Variants in OR4K17 observed in about 807,000 individuals in gnomAD.
OR4K17 encodes the protein olfactory receptor family 4 subfamily K member 17, also known as olfactory receptor 4K17.
For missense variants in OR4K17, 480 were observed against 366.3 expected (o/e 1.31, Z -2.53); for synonymous variants, 157 against 132.8 (o/e 1.18, Z -1.25).
rs768218908 is a variant in OR4K17, at chr14:20,118,389, C to A, written c.890C>A (p.Ser297Tyr). Residue 297 changes from serine (S) to tyrosine (Y), a missense_variant, in exon 2 of 2, where the codon TCC becomes TAC. Ser to Tyr is a moderately radical substitution (Grantham distance 144, BLOSUM62 -2). Coordinates refer to ENST00000641386, the MANE Select transcript of OR4K17 (RefSeq NM_001004715.5). ...CTGAGAAACAAAGAAATGAAGATAT[C>A]CATGAAAAAACTCTGGAGAGCTTTT... ...YTLRNKEMKI[S>Y]MKKLWRAFVN... 2 of 1,605,616 alleles carry A rather than the reference C, an allele frequency of 1.2e-6. No homozygotes were observed. Among genetic ancestry groups the A allele is most frequent in the South Asian group, 2.2e-5 (2 of 89,572 alleles).
chr14:20,111,864 C>G (rs1877890029), intron 1 of OR4K17: 1 of 152,074 alleles, frequency 6.6e-6, no homozygotes, highest in Non-Finnish European at 1.5e-5. Flanking sequence ...ATAATCACCT[C>G]CAATTCTATG....
Position 20,118,323 on chromosome 14 carries a change from A to G in OR4K17, c.824A>G (p.Tyr275Cys), listed in dbSNP as rs375871400. 8.7e-5 allele frequency: 141 copies of G among 1,612,952 alleles called. No individual in the cohort carries two copies. The highest frequency in any genetic ancestry group is 1.1e-4 in the Non-Finnish European group (131 of 1,179,076). ...HSVDKFLAVF[Y>C]TIITPILNPI... ...GTAGATAAGTTCCTTGCTGTGTTTT[A>G]TACCATCATCACTCCTATCTTGAAT... Residue 275 changes from tyrosine (Y) to cysteine (C), a missense_variant, in exon 2 of 2, where the codon TAT becomes TGT. Physicochemically the swap from Tyr to Cys is radical, Grantham distance 194 (BLOSUM62 -2). Transcript: ENST00000641386.
In OR4K17 at chr14:20,118,410, C is replaced by T. The variant is rs560711784; in HGVS notation, c.911C>T (p.Ala304Val). 1.9e-6 allele frequency: 3 copies of T among 1,601,616 alleles called. No individual in the cohort carries two copies. The highest frequency in any genetic ancestry group is 1.7e-5 in the Admixed American group (1 of 58,502). ...ATATCCATGAAAAAACTCTGGAGAG[C>T]TTTTGTGAATTCTAGAGAAGATACT... is the stretch of plus-strand genomic sequence containing the variant. Reference protein sequence around the residue: ...MKISMKKLWRAFVNSREDT With the variant: ...MKISMKKLWRVFVNSREDT Residue 304 changes from alanine (A) to valine (V), a missense_variant, in exon 2 of 2, where the codon GCT becomes GTT. Ala to Val is a moderately conservative substitution (Grantham distance 64). Coordinates refer to ENST00000641386, the MANE Select transcript of OR4K17 (RefSeq NM_001004715.5).
Position 20,121,512 on chromosome 14 carries a change from C to T in OR4K17, c.*3074C>T, listed in dbSNP as rs1878169156. The T allele has an allele frequency of 6.6e-6, 1 of 151,972 alleles. No homozygotes were observed. Among genetic ancestry groups the T allele is most frequent in the Admixed American group, 6.6e-5 (1 of 15,248 alleles). The allele number at this position is 151,972 out of a possible 1,614,324, so 9.4% of individuals were successfully genotyped here. ...GGGGGAGGTAGAATAAAAGTGTAGA[C>T]TTTTTAAATGCAATCAAAGTTAGGT... On this transcript the variant is annotated 3_prime_UTR_variant, in exon 2 of 2. Transcript: ENST00000641386.
chr14:20,110,859 C>T lies in OR4K17; in HGVS notation c.-66C>T, dbSNP rs1028274955. 1 of 151,980 alleles carries T rather than the reference C, an allele frequency of 6.6e-6. No individual in the cohort carries two copies. The highest frequency in any genetic ancestry group is 2.4e-5 in the African/African-American group (1 of 41,402). The allele number at this position is 151,980 out of a possible 1,614,324, so 9.4% of individuals were successfully genotyped here. ...TGCATGCCCTTCTCGATATTGTCCC[C>T]TCTGAACCCATGGCCCTGACTTCTT... is the stretch of plus-strand genomic sequence containing the variant. On this transcript the variant is annotated 5_prime_UTR_variant, in exon 1 of 2. Coordinates refer to ENST00000641386, the MANE Select transcript of OR4K17 (RefSeq NM_001004715.5).
chr14:20,111,068 G>C (rs768993474), intron 1 of OR4K17, among the ~76,000 whole-genome samples, 176 bp downstream of exon 1: 2 of 151,976 alleles, frequency 1.3e-5, no homozygotes, highest in Non-Finnish European at 1.5e-5. Flanking sequence ...ATTAAACTCA[G>C]ACTTACGAAG....
chr14:20,113,169 T>G (rs1877917410), intron 1 of OR4K17, among the ~76,000 whole-genome samples: 2 of 152,022 alleles, frequency 1.3e-5, no homozygotes, highest in Admixed American at 6.6e-5. Context: ...ATGCAATAAT[T>G]TGCCTCAGGG....
chr14:20,118,409 G>T lies in OR4K17; in HGVS notation c.910G>T (p.Ala304Ser), dbSNP rs370405778. ...MKISMKKLWR[A>S]FVNSREDT The stretch of plus-strand genomic sequence containing the variant: ...GATATCCATGAAAAAACTCTGGAGA[G>T]CTTTTGTGAATTCTAGAGAAGATAC... Residue 304 changes from alanine (A) to serine (S), a missense_variant, in exon 2 of 2, where the codon GCT becomes TCT. Transcript: ENST00000641386. The T allele has an allele frequency of 1.3e-5, 21 of 1,602,878 alleles. No individual in the cohort carries two copies. The African/African-American group carries it at 2.6e-4, about 20-fold the overall frequency.
At position 20,118,248 on chromosome 14, in the gene OR4K17, T is replaced by C; in HGVS notation, c.749T>C (p.Phe250Ser). 1.2e-6 allele frequency: 2 copies of C among 1,614,098 alleles called. No homozygotes were observed. Among genetic ancestry groups the C allele is most frequent in the Non-Finnish European group, 1.7e-6 (2 of 1,179,962 alleles). ...GCTCACATCACAGTGGTGATTCTCTTCTTTGGCCCATGCATCTTTATCTAC... is the reference window on the plus strand; with the variant it reads ...GCTCACATCACAGTGGTGATTCTCTCCTTTGGCCCATGCATCTTTATCTAC... Reference protein sequence around the residue: ...LTAHITVVILFFGPCIFIYIW... With the variant: ...LTAHITVVILSFGPCIFIYIW... The change falls in exon 2 of 2, where the codon TTC (phenylalanine) becomes TCC (serine). Residue 250 changes from phenylalanine (F) to serine (S), a missense_variant. Transcript: ENST00000641386.
rs746898490 is a variant in OR4K17, at chr14:20,117,954, G to A, written c.455G>A (p.Gly152Asp). Residue 152 changes from glycine (G) to aspartate (D), a missense_variant, in exon 2 of 2, where the codon GGT becomes GAT. Physicochemically the swap from Gly to Asp is moderately conservative, Grantham distance 94. Transcript: ENST00000641386. ...VLLVVTSWLL[G>D]LLHSGFQIPF... ...CTTGTAGTGACCTCATGGCTCTTGG[G>A]TCTCCTTCACTCAGGGTTTCAGATA... 1.2e-6 allele frequency: 2 copies of A among 1,614,034 alleles called. No individual in the cohort carries two copies. Among genetic ancestry groups the A allele is most frequent in the South Asian group, 2.2e-5 (2 of 91,064 alleles).
Position 20,118,139 on chromosome 14 carries a change from T to C in OR4K17, c.640T>C (p.Leu214=), listed in dbSNP as rs566265461. 6 of 1,614,146 alleles carry C rather than the reference T, an allele frequency of 3.7e-6. No individual in the cohort carries two copies. Among genetic ancestry groups the C allele is most frequent in the Non-Finnish European group, 5.1e-6 (6 of 1,180,006 alleles). Residue 214 remains leucine, a synonymous_variant, in exon 2 of 2, where the codon TTG becomes CTG. Transcript: ENST00000641386. ...GIISLSCFII[L]LISYSLILIT... is the part of the protein sequence containing the mutation. ...AATCTCCCTGAGCTGTTTCATTATT[T>C]TGCTTATCTCCTACAGTCTGATCCT...
At chr14:20,115,249 A>G (rs935045771) in intron 1 of OR4K17, among the ~76,000 whole-genome samples, 20 of 152,124 alleles carry the variant, frequency 1.3e-4, no homozygotes, top group African/African-American at 4.8e-4. Context: ...TGGCATTTTT[A>G]TGAAGGAATA....
rs1877978767 is a variant in OR4K17, at chr14:20,115,807, A to G, written c.-32-1661A>G. ...GAGCTCTAGGGAGCAAAATGGGGTC[A>G]TATGGCCCTGGAGCAAAGATAATGT... On this transcript the variant is annotated intron_variant, in intron 1 of 1. Coordinates refer to ENST00000641386, the MANE Select transcript of OR4K17 (RefSeq NM_001004715.5). Among the ~76,000 whole-genome samples, 6 of 152,136 alleles carry G rather than the reference A, an allele frequency of 3.9e-5. No homozygotes were observed. The South Asian group carries it at 1.2e-3, about 32-fold the overall frequency.
chr14:20,116,950 A>T (rs1878006980), intron 1 of OR4K17, among the ~76,000 whole-genome samples: 2 of 152,298 alleles, frequency 1.3e-5, no homozygotes, highest in Admixed American at 1.3e-4. Context: ...AACCTCGCTA[A>T]CTCACTTATC....
At chr14:20,112,550 A>G (rs568927968) in intron 1 of OR4K17, among the ~76,000 whole-genome samples, 1 of 152,208 alleles carries the variant, frequency 6.6e-6, no homozygotes, top group Non-Finnish European at 1.5e-5. Flanking sequence ...GGAAAGCCCC[A>G]GTGCTGCAAG....
At chr14:20,117,251 CT>C (rs1311379946) in intron 1 of OR4K17, among the ~76,000 whole-genome samples, 1 of 152,146 alleles carries the variant, frequency 6.6e-6, no homozygotes, top group Admixed American at 6.6e-5. Context: ...TGGTTTGCTT[CT>C]GGGAAACCAA....
Position 20,110,834 on chromosome 14 carries a change from T to G in OR4K17, c.-91T>G, listed in dbSNP as rs1210706152. The G allele has an allele frequency of 6.6e-6, 1 of 151,980 alleles. No individual in the cohort carries two copies. The highest frequency in any genetic ancestry group is 2.1e-4 in the South Asian group (1 of 4,820). The allele number at this position is 151,980 out of a possible 1,614,324, so 9.4% of individuals were successfully genotyped here. On this transcript the variant is annotated 5_prime_UTR_variant, in exon 1 of 2. Coordinates refer to ENST00000641386, the MANE Select transcript of OR4K17 (RefSeq NM_001004715.5). ...TCTATGGAACTATAAGTTGAGAAGG[T>G]GCATGCCCTTCTCGATATTGTCCCC...
intron 1 of OR4K17, among the ~76,000 whole-genome samples, chr14:20,115,062 T>C (rs186444983): frequency 9.2e-5 from 14 of 152,234 alleles, no homozygotes; most frequent in African/African-American, 3.4e-4. Flanking sequence ...CTTTCTTGCA[T>C]AGTCTTGGGC....
chr14:20,114,401 G>C (rs1877943483), intron 1 of OR4K17, among the ~76,000 whole-genome samples: 2 of 151,930 alleles, frequency 1.3e-5, no homozygotes, highest in Admixed American at 1.3e-4. Flanking sequence ...GTTAATTTTT[G>C]TAGAGGTTGT....
Sources: gnomAD v4.1 joint callset for allele counts (sites outside exome capture counted in the v4.1 genomes callset) on GRCh38, gnomAD v4.1.1 for gene constraint, MANE v1.5 for transcripts, NCBI Gene and HGNC (gene_info 2026-07-23, HGNC 2026-07-21) for gene names.